Variants in IL1RL1 observed in about 807,000 individuals in gnomAD.
The protein encoded by IL1RL1 is interleukin 1 receptor like 1.
IL1RL1 carries 32 observed loss-of-function variants against 50.9 expected under a neutral mutation model. The observed-to-expected ratio is 0.63, with a 90% CI of 0.47 to 0.84. IL1RL1 has a LOEUF of 0.84. IL1RL1 is among the 40% of genes least tolerant of loss of function. The pLI, the probability that IL1RL1 is intolerant of heterozygous loss-of-function variation, is 0.00. For synonymous variants in IL1RL1, 275 were observed against 236.0 expected (o/e 1.17, Z -1.51); for missense variants, 773 against 662.9 (o/e 1.17, Z -1.82).
chr2:102,348,174 G>A, intron 9 of IL1RL1, 83 bp downstream of exon 9: 1 of 1,071,470 alleles, frequency 9.3e-7, no homozygotes, highest in Non-Finnish European at 1.4e-6. Flanking sequence ...TCTTTCAGTA[G>A]CTAGGCTGCT....
chr2:102,329,888 G>T (rs940964560), intron 1 of IL1RL1, among the ~76,000 whole-genome samples: 2 of 152,202 alleles, frequency 1.3e-5, no homozygotes, highest in African/African-American at 4.8e-5. Context: ...TACACCGTTG[G>T]TGGGACTGTA....
chr2:102,345,953 ATG>A, intron 8 of IL1RL1: 1 of 985,242 alleles, frequency 1.0e-6, no homozygotes, highest in Non-Finnish European at 1.2e-6. Context: ...CTGGTTACCT[ATG>A]TGTTTGAATT....
At chr2:102,330,530 T>C (rs1380677063) in intron 1 of IL1RL1, among the ~76,000 whole-genome samples, 4 of 152,244 alleles carry the variant, frequency 2.6e-5, no homozygotes, top group South Asian at 4.1e-4. Flanking sequence ...TTTAATTGTT[T>C]ACATTTATCT....
intron 1 of IL1RL1, among the ~76,000 whole-genome samples, chr2:102,328,080 G>C (rs1343904591): frequency 2.0e-5 from 3 of 152,136 alleles, no homozygotes; most frequent in Non-Finnish European, 4.4e-5. Context: ...CAATATCCCT[G>C]ATGAACATTG....
intron 1 of IL1RL1, among the ~76,000 whole-genome samples, chr2:102,330,253 C>T (rs1467666645): frequency 6.6e-6 from 1 of 151,826 alleles, no homozygotes; most frequent in African/African-American, 2.4e-5. Flanking sequence ...AAAAACCGAA[C>T]ACCACATGTT....
At chr2:102,343,908 G>C in intron 8 of IL1RL1, 3 of 996,044 alleles carry the variant, frequency 3.0e-6, no homozygotes, top group Non-Finnish European at 3.6e-6. Context: ...TGCCATTTCA[G>C]TGAGAAAATC....
intron 3 of IL1RL1, 77 bp downstream of exon 3, chr2:102,339,124 C>A: frequency 2.1e-6 from 2 of 959,432 alleles, no homozygotes; most frequent in South Asian, 1.3e-5. Context: ...GCTGCCCTTG[C>A]TTTCATTCCT....
intron 1 of IL1RL1, among the ~76,000 whole-genome samples, chr2:102,335,385 G>GA (rs922183374): frequency 3.9e-4 from 45 of 115,232 alleles, no homozygotes; most frequent in Non-Finnish European, 7.3e-4. Context: ...GTTGACATTG[G>GA]GGGGAGAAAA....
At position 102,351,525 on chromosome 2, in the gene IL1RL1, T is replaced by A; in HGVS notation, c.1286-11T>A. On this transcript the variant is annotated splice_polypyrimidine_tract_variant and intron_variant, in intron 10 of 10. Transcript: ENST00000233954. ...CTGATAAGAAATCTGATCTATTTCTTGTATGACTAGATGTAGTCACTGCAG... is the reference window on the plus strand; with the variant it reads ...CTGATAAGAAATCTGATCTATTTCTAGTATGACTAGATGTAGTCACTGCAG... 1 of 1,606,870 alleles carries A rather than the reference T, an allele frequency of 6.2e-7. No homozygotes were observed. The highest frequency in any genetic ancestry group is 8.5e-7 in the Non-Finnish European group (1 of 1,175,222).
chr2:102,341,650 C>T (rs935853558), intron 5 of IL1RL1, among the ~76,000 whole-genome samples: 1 of 152,132 alleles, frequency 6.6e-6, no homozygotes, highest in Non-Finnish European at 1.5e-5. Context: ...AATATCAACC[C>T]TTACAGTGGT....
chr2:102,334,941 A>C (rs1677272608), intron 1 of IL1RL1, among the ~76,000 whole-genome samples: 1 of 152,094 alleles, frequency 6.6e-6, no homozygotes, highest in Non-Finnish European at 1.5e-5. Flanking sequence ...AGTGAAGTAG[A>C]TTATAAATAG....
chr2:102,330,895 C>G (rs548973617), intron 1 of IL1RL1, among the ~76,000 whole-genome samples: 1 of 152,180 alleles, frequency 6.6e-6, no homozygotes, highest in Non-Finnish European at 1.5e-5. Flanking sequence ...TTAAGATGTT[C>G]TGTTATGTAA....
chr2:102,337,110 A>G (rs1677353655), intron 1 of IL1RL1: 1 of 152,226 alleles, frequency 6.6e-6, no homozygotes, highest in South Asian at 2.1e-4. Context: ...TGTTGTTTTT[A>G]TGTTTAAATA....
At chr2:102,345,941 C>T (rs754977154) in intron 8 of IL1RL1, 81 of 985,386 alleles carry the variant, frequency 8.2e-5, no homozygotes, top group Non-Finnish European at 9.2e-5. Flanking sequence ...TGATCAATGT[C>T]CCTGGTTACC....
At chr2:102,336,095 G>A (rs772108318) in intron 1 of IL1RL1, among the ~76,000 whole-genome samples, 8 of 152,204 alleles carry the variant, frequency 5.3e-5, no homozygotes, top group Non-Finnish European at 8.8e-5. Context: ...CCCATGGGGA[G>A]CAAAGACGCT....
At chr2:102,313,371 G>A (rs1246902375) in intron 1 of IL1RL1, 1 of 152,110 alleles carries the variant, frequency 6.6e-6, no homozygotes, top group African/African-American at 2.4e-5. Context: ...TGTGACTGCT[G>A]ACTTGAATGT....
rs150347157 is a variant in IL1RL1, at chr2:102,343,349, G to A, written c.904G>A (p.Asp302Asn). 120 of 1,614,082 alleles carry A rather than the reference G, an allele frequency of 7.4e-5. No homozygotes were observed. Among genetic ancestry groups the A allele is most frequent in the Non-Finnish European group, 9.4e-5 (111 of 1,180,048 alleles). The change falls in exon 8 of 11, where the codon GAC becomes AAC. Residue 302 changes from aspartate (D) to asparagine (N), a missense_variant. By Grantham distance (23) the Asp-to-Asn change is conservative. Coordinates refer to ENST00000233954, the MANE Select transcript of IL1RL1 (RefSeq NM_016232.5). ...GGAAGAGGATTTATTGCTGCAGTAC[G>A]ACTGTCTGGCCCTGAATTTGCATGG... The part of the protein sequence containing the change: ...VKEEDLLLQY[D>N]CLALNLHGLR...
At chr2:102,332,441 G>A (rs1677202265) in intron 1 of IL1RL1, among the ~76,000 whole-genome samples, 2 of 152,124 alleles carry the variant, frequency 1.3e-5, no homozygotes, top group Admixed American at 6.6e-5. Flanking sequence ...ACAAAGTGTG[G>A]TAGGCACACA....
chr2:102,331,393 A>G (rs961392030), intron 1 of IL1RL1, among the ~76,000 whole-genome samples: 2 of 152,248 alleles, frequency 1.3e-5, no homozygotes, highest in Non-Finnish European at 1.5e-5. Context: ...TATGTGAGAA[A>G]TTACACAATG....
Sources: allele counts gnomAD v4.1 joint callset (sites outside exome capture counted in the v4.1 genomes callset), GRCh38; gene constraint gnomAD v4.1.1; transcripts MANE v1.5; gene names NCBI Gene and HGNC (gene_info 2026-07-23, HGNC 2026-07-21).